The following VSNL1 variants were observed in gnomAD, a reference collection of about 807,000 sequenced individuals.
VSNL1 encodes the protein visinin like 1.
Under a neutral mutation model 20.4 loss-of-function variants are expected in VSNL1, and 6 were observed. The observed-to-expected ratio is 0.29, with a 90% CI of 0.16 to 0.58. The LOEUF is 0.58. Among genes scored for constraint, VSNL1 ranks in the 20% least tolerant of loss-of-function variants. The pLI, the probability that VSNL1 is intolerant of heterozygous loss-of-function variation, is 0.90. For missense variants in VSNL1, 100 were observed against 234.5 expected (o/e 0.43, Z 3.75); for synonymous variants, 93 against 86.4 (o/e 1.08, Z -0.42).
chr2:17,600,808 T>G (rs1468963292), intron 2 of VSNL1, among the ~76,000 whole-genome samples: 1 of 152,186 alleles, frequency 6.6e-6, no homozygotes, highest in Non-Finnish European at 1.5e-5. Context: ...GCATTCAACT[T>G]GAATTAATGG....
chr2:17,583,652 A>G (rs62132075), intron 1 of VSNL1, among the ~76,000 whole-genome samples: 4,349 of 152,314 alleles, frequency 0.029, 72 homozygotes, highest in East Asian at 0.097. Flanking sequence ...GGTGAGCAAG[A>G]AATTGGATGG....
chr2:17,611,740 G>T (rs924579077), intron 2 of VSNL1, among the ~76,000 whole-genome samples: 4 of 152,136 alleles, frequency 2.6e-5, no homozygotes, highest in African/African-American at 9.7e-5. Flanking sequence ...TCTCTGCTCT[G>T]TAATCCCCAC....
At chr2:17,543,145 C>T (rs1163736588) in intron 1 of VSNL1, among the ~76,000 whole-genome samples, 1 of 152,142 alleles carries the variant, frequency 6.6e-6, no homozygotes, top group Non-Finnish European at 1.5e-5. Flanking sequence ...TGTAAGGTCT[C>T]TTTCTCTCTC....
At chr2:17,541,208 TAGAC>T (rs1473940881) in intron 1 of VSNL1, 1 of 152,202 alleles carries the variant, frequency 6.6e-6, no homozygotes, top group Non-Finnish European at 1.5e-5. Flanking sequence ...TAGTTTGTCT[TAGAC>T]AGATTTAAGT....
chr2:17,571,740 T>A (rs546760001), intron 1 of VSNL1, among the ~76,000 whole-genome samples: 18 of 152,278 alleles, frequency 1.2e-4, no homozygotes, highest in Admixed American at 1.0e-3. Flanking sequence ...ATACACTAGA[T>A]AAGTTCAGAT....
chr2:17,622,867 T>C (rs1320900295), intron 2 of VSNL1, among the ~76,000 whole-genome samples: 1 of 152,220 alleles, frequency 6.6e-6, no homozygotes, highest in Non-Finnish European at 1.5e-5. Context: ...TCCTCCCTGC[T>C]GCAAACGGCG....
chr2:17,599,063 C>A (rs1664772845), intron 2 of VSNL1, among the ~76,000 whole-genome samples: 1 of 152,196 alleles, frequency 6.6e-6, no homozygotes, highest in African/African-American at 2.4e-5. Flanking sequence ...CTTCTATGTG[C>A]CAGGGGCTGT....
At chr2:17,585,839 C>G (rs899122352) in intron 1 of VSNL1, among the ~76,000 whole-genome samples, 1 of 148,308 alleles carries the variant, frequency 6.7e-6, no homozygotes, top group Admixed American at 6.7e-5. Context: ...GAGTTTCACT[C>G]TTGTCACCCA....
chr2:17,642,751 C>T (rs978284309), intron 2 of VSNL1, among the ~76,000 whole-genome samples: 22 of 152,186 alleles, frequency 1.4e-4, no homozygotes, highest in Admixed American at 3.3e-4. Context: ...AGAGATCTGG[C>T]CTAAGACATA....
chr2:17,625,395 C>A (rs907962340), intron 2 of VSNL1, among the ~76,000 whole-genome samples: 1 of 152,206 alleles, frequency 6.6e-6, no homozygotes, highest in African/African-American at 2.4e-5. Context: ...TACTCCTGAA[C>A]ATACAAATGT....
chr2:17,585,868 C>T (rs964953754), intron 1 of VSNL1, among the ~76,000 whole-genome samples: 1 of 149,900 alleles, frequency 6.7e-6, no homozygotes, highest in Non-Finnish European at 1.5e-5. Context: ...TACAATGGTG[C>T]GATCTTGGCT....
At chr2:17,644,291 G>A (rs1218595411) in intron 2 of VSNL1, among the ~76,000 whole-genome samples, 5 of 152,162 alleles carry the variant, frequency 3.3e-5, no homozygotes, top group Non-Finnish European at 7.4e-5. Context: ...GAGGTCTGCT[G>A]GAAAGGCCCG....
intron 2 of VSNL1, among the ~76,000 whole-genome samples, chr2:17,607,242 T>G (rs1208247433): frequency 6.6e-6 from 1 of 152,206 alleles, no homozygotes; most frequent in Non-Finnish European, 1.5e-5. Context: ...TCTGGGCCAG[T>G]TACAAACCTG....
chr2:17,621,570 C>T (rs941496072), intron 2 of VSNL1, among the ~76,000 whole-genome samples: 4 of 152,128 alleles, frequency 2.6e-5, no homozygotes, highest in Admixed American at 6.5e-5. Context: ...GTTATCTGCC[C>T]GCCTCAGCTT....
At chr2:17,645,009 T>C (rs1363722013) in intron 2 of VSNL1, among the ~76,000 whole-genome samples, 2 of 152,274 alleles carry the variant, frequency 1.3e-5, no homozygotes, top group African/African-American at 2.4e-5. Context: ...CTATGTCTTC[T>C]GCGGGATTGG....
At chr2:17,642,309 CTTTTT>C (rs577471307) in intron 2 of VSNL1, among the ~76,000 whole-genome samples, 1 of 93,194 alleles carries the variant, frequency 1.1e-5, no homozygotes, top group African/African-American at 3.8e-5. Flanking sequence ...GTGAGCATTC[CTTTTT>C]TTTTTTTTTT....
chr2:17,611,569 A>G (rs1665088503), intron 2 of VSNL1, among the ~76,000 whole-genome samples: 1 of 152,214 alleles, frequency 6.6e-6, no homozygotes, highest in African/African-American at 2.4e-5. Flanking sequence ...GGGGCCTTGA[A>G]CTTGGTCAAA....
intron 1 of VSNL1, among the ~76,000 whole-genome samples, chr2:17,553,275 A>G (rs1479052136): frequency 1.3e-5 from 2 of 152,204 alleles, no homozygotes; most frequent in Admixed American, 6.5e-5. Flanking sequence ...AATCTTCCCC[A>G]CTGACATGTT....
At chr2:17,645,709 G>C (rs1387845797) in intron 2 of VSNL1, among the ~76,000 whole-genome samples, 4 of 152,290 alleles carry the variant, frequency 2.6e-5, no homozygotes, top group South Asian at 4.2e-4. Context: ...AAAAGCTCCT[G>C]CCCTGGCCAG....
Sources: gnomAD v4.1 joint callset for allele counts (sites outside exome capture counted in the v4.1 genomes callset) on GRCh38, gnomAD v4.1.1 for gene constraint, MANE v1.5 for transcripts, NCBI Gene and HGNC (gene_info 2026-07-23, HGNC 2026-07-21) for gene names.